MEGF10: variants seen among roughly 807,000 people sequenced by gnomAD.
MEGF10 encodes the protein multiple EGF like domains 10.
A neutral mutation model predicts 147.5 loss-of-function variants in MEGF10; 86 were observed. The observed-to-expected ratio is 0.58, with a 90% CI of 0.49 to 0.70. The LOEUF (loss-of-function observed/expected upper bound fraction) is 0.70. MEGF10 is among the 30% of genes least tolerant of loss of function. The pLI, the probability that MEGF10 is intolerant of heterozygous loss-of-function variation, is 0.00. For missense variants in MEGF10, 1,329 were observed against 1,487.3 expected, an observed-to-expected ratio of 0.89 and a Z score of 1.75; for synonymous variants, 478 against 525.5, an observed-to-expected ratio of 0.91 and a Z score of 1.24.
intron 1 of MEGF10, among the ~76,000 whole-genome samples, chr5:127,293,380 G>A (rs1759350865): frequency 6.6e-6 from 1 of 152,140 alleles, no homozygotes; most frequent in South Asian, 2.1e-4. Flanking sequence ...CATGAAGTGG[G>A]GAGATTTGTT....
At chr5:127,271,921 C>T in the MEGF10 span, among the ~76,000 whole-genome samples, 2 of 152,142 alleles carry the variant, frequency 1.3e-5, no homozygotes, top group Non-Finnish European at 1.5e-5. Flanking sequence ...TGCAGAAGCT[C>T]TTAAGTTTAA....
At chr5:127,299,391 C>T (rs2018571) in intron 1 of MEGF10, among the ~76,000 whole-genome samples, 81,049 of 152,028 alleles carry the variant, frequency 0.53, 22,363 homozygotes, top group Middle Eastern at 0.63. Context: ...TAAGTTTGGA[C>T]AGTTATGAGG....
chr5:127,351,736 C>A (rs1254584368), intron 4 of MEGF10, among the ~76,000 whole-genome samples: 1 of 152,180 alleles, frequency 6.6e-6, no homozygotes. Context: ...TTCTGCCACT[C>A]CTGTAACTTC....
chr5:127,371,547 A>G (rs2126864724), intron 5 of MEGF10, among the ~76,000 whole-genome samples: 1 of 152,302 alleles, frequency 6.6e-6, no homozygotes, highest in African/African-American at 2.4e-5. Flanking sequence ...ATTTAAAACT[A>G]TGTGGTTTGC....
At chr5:127,340,698 G>A (rs2126800846) in intron 4 of MEGF10, 68 bp downstream of exon 4, 1 of 1,299,438 alleles carries the variant, frequency 7.7e-7, no homozygotes, top group South Asian at 1.2e-5. Flanking sequence ...TCCATTAATA[G>A]CAGCTGAGAC....
intron 13 of MEGF10, chr5:127,424,484 A>G: frequency 1.4e-6 from 2 of 1,417,632 alleles, no homozygotes; most frequent in Non-Finnish European, 1.9e-6. Context: ...AACAATATGA[A>G]GTCTTCAGAT....
the MEGF10 span, among the ~76,000 whole-genome samples, chr5:127,277,234 G>C: frequency 6.6e-6 from 1 of 152,160 alleles, no homozygotes; most frequent in African/African-American, 2.4e-5. Flanking sequence ...TCCTCATCTG[G>C]AATTGCCTTC....
intron 13 of MEGF10, among the ~76,000 whole-genome samples, chr5:127,429,661 G>A (rs1580860650): frequency 6.6e-6 from 1 of 152,134 alleles, no homozygotes; most frequent in East Asian, 1.9e-4. Context: ...TATCTCTCCA[G>A]AATTCCTCTT....
At chr5:127,324,794 C>A (rs1033468834) in intron 1 of MEGF10, among the ~76,000 whole-genome samples, 17 of 152,178 alleles carry the variant, frequency 1.1e-4, no homozygotes, top group Admixed American at 4.6e-4. Flanking sequence ...TTATCACCAC[C>A]AAACACCACC....
intron 4 of MEGF10, among the ~76,000 whole-genome samples, chr5:127,355,974 C>T (rs1305306673): frequency 6.6e-6 from 1 of 152,090 alleles, no homozygotes; most frequent in Non-Finnish European, 1.5e-5. Flanking sequence ...CTTTGCAGGA[C>T]AGGTAGGATT....
the MEGF10 span, among the ~76,000 whole-genome samples, chr5:127,259,244 C>T: frequency 2.0e-5 from 3 of 152,140 alleles, no homozygotes; most frequent in Non-Finnish European, 4.4e-5. Flanking sequence ...AGGCCAAAGA[C>T]CTAGTTCTGT....
At chr5:127,348,347 T>C (rs1032980642) in intron 4 of MEGF10, among the ~76,000 whole-genome samples, 1 of 152,172 alleles carries the variant, frequency 6.6e-6, no homozygotes, top group Non-Finnish European at 1.5e-5. Flanking sequence ...TTTCTGATTC[T>C]AGCTTTGTAA....
chr5:127,376,389 G>A (rs1351957081), intron 5 of MEGF10, among the ~76,000 whole-genome samples: 1 of 152,214 alleles, frequency 6.6e-6, no homozygotes, highest in Non-Finnish European at 1.5e-5. Flanking sequence ...CAAGGCACCT[G>A]AGAAGACAGC....
intron 1 of MEGF10, among the ~76,000 whole-genome samples, chr5:127,317,570 A>C (rs984736036): frequency 1.3e-5 from 2 of 152,214 alleles, no homozygotes; most frequent in Non-Finnish European, 2.9e-5. Context: ...CTATGCAGCC[A>C]TAAAAAAGGA....
At chr5:127,239,444 A>G in the MEGF10 span, among the ~76,000 whole-genome samples, 1 of 144,700 alleles carries the variant, frequency 6.9e-6, no homozygotes, top group African/African-American at 2.5e-5. Context: ...CACAGTATAT[A>G]TATATATTAT....
the MEGF10 span, among the ~76,000 whole-genome samples, chr5:127,248,587 TGGCTCAAGA>T: frequency 6.6e-6 from 1 of 152,002 alleles, no homozygotes; most frequent in African/African-American, 2.4e-5. Context: ...TTTCCCTCAG[TGGCTCAAGA>T]GGAGATTGGA....
intron 18 of MEGF10, among the ~76,000 whole-genome samples, chr5:127,441,627 G>C (rs926241568): frequency 1.3e-5 from 2 of 152,154 alleles, no homozygotes; most frequent in Admixed American, 6.5e-5. Context: ...TAAGGGCTTA[G>C]GGCTGTATCA....
intron 16 of MEGF10, 134 bp from the exon 17 acceptor site, chr5:127,438,305 C>G: frequency 3.3e-6 from 3 of 919,292 alleles, no homozygotes; most frequent in Non-Finnish European, 4.9e-6. Flanking sequence ...GAATTCAGAG[C>G]AGTGTGCTTT....
chr5:127,311,799 C>T (rs1422381837), intron 1 of MEGF10, among the ~76,000 whole-genome samples: 1 of 152,156 alleles, frequency 6.6e-6, no homozygotes, highest in East Asian at 1.9e-4. Flanking sequence ...TCAAGGAAGG[C>T]TGGCAGTAAG....
Sources: gnomAD v4.1 joint callset for allele counts (sites outside exome capture counted in the v4.1 genomes callset) on GRCh38, gnomAD v4.1.1 for gene constraint, MANE v1.5 for transcripts, NCBI Gene and HGNC (gene_info 2026-07-23, HGNC 2026-07-21) for gene names.